NEDD4L: variants seen among roughly 807,000 people sequenced by gnomAD.
NEDD4L encodes E3 ubiquitin-protein ligase NEDD4-like.
Under a neutral mutation model 148.9 loss-of-function variants are expected in NEDD4L, and 54 were observed. The ratio of observed to expected loss-of-function variants is 0.36; its 90% CI spans 0.29 to 0.45. NEDD4L has a LOEUF of 0.45. NEDD4L is among the 20% of genes least tolerant of loss of function. The pLI is 1.00. For synonymous variants in NEDD4L, 433 were observed against 440.7 expected (o/e 0.98, Z 0.22); for missense variants, 856 against 1,233.8 (o/e 0.69, Z 4.59).
intron 24 of NEDD4L, among the ~76,000 whole-genome samples, chr18:58,375,667 G>A (rs559690355): frequency 8.2e-4 from 124 of 151,996 alleles, no homozygotes; most frequent in Non-Finnish European, 1.5e-3. Flanking sequence ...TGCCATCCTC[G>A]AGGTATTGAC....
At position 58,083,407 on chromosome 18, in the gene NEDD4L, G is replaced by A. The variant is rs566461130; in HGVS notation, c.48+38699G>A. On this transcript the variant is annotated intron_variant, in intron 1 of 30. Transcript: ENST00000400345. ...CTCAAAAAACAGAAACAAACCAGGGGCCGGGTGCGGTGGCTCACGCCTGTA... is the reference window on the plus strand; with the variant it reads ...CTCAAAAAACAGAAACAAACCAGGGACCGGGTGCGGTGGCTCACGCCTGTA... 2.8e-3 allele frequency among the ~76,000 whole-genome samples: 429 copies of A among 152,316 alleles called. 6 individuals carry two copies. The highest frequency in any genetic ancestry group is 5.7e-4 in the Non-Finnish European group (39 of 68,026).
In NEDD4L at chr18:58,396,928, T is replaced by C. The variant is rs540543313; in HGVS notation, c.*659T>C. The C allele has an allele frequency of 6.5e-6, 1 of 152,758 alleles. No individual in the cohort carries two copies. The highest frequency in any genetic ancestry group is 1.9e-4 in the East Asian group (1 of 5,188). The allele number at this position is 152,758 out of a possible 1,614,324, so 9.5% of individuals were successfully genotyped here. A position where few individuals can be genotyped will look rare whatever the true frequency, so the allele number is the denominator to read the frequency against. On this transcript the variant is annotated 3_prime_UTR_variant, in exon 31 of 31. Coordinates refer to ENST00000400345, the MANE Select transcript of NEDD4L (RefSeq NM_001144967.3). ...ATACTCAGAATGAAAAACTGGATATTACGTTTTTGTTTTGGGGTTTTTTTG... is the reference window on the plus strand; with the variant it reads ...ATACTCAGAATGAAAAACTGGATATCACGTTTTTGTTTTGGGGTTTTTTTG...
At chr18:58,096,874 A>G (rs1467226622) in intron 1 of NEDD4L, among the ~76,000 whole-genome samples, 1 of 152,218 alleles carries the variant, frequency 6.6e-6, no homozygotes, top group African/African-American at 2.4e-5. Context: ...GGAATGTGAA[A>G]TCCTTTCAGC....
chr18:58,151,160 A>G (rs1266584337), intron 1 of NEDD4L, among the ~76,000 whole-genome samples: 2 of 152,336 alleles, frequency 1.3e-5, no homozygotes, highest in Admixed American at 6.5e-5. Context: ...GATTCTTCAC[A>G]ATATGCCTAT....
intron 5 of NEDD4L, among the ~76,000 whole-genome samples, chr18:58,294,165 C>G (rs1210976738): frequency 6.6e-6 from 1 of 152,210 alleles, no homozygotes; most frequent in Non-Finnish European, 1.5e-5. Context: ...AAATACACAT[C>G]ACACTTTCTG....
chr18:58,082,437 G>T (rs76191117), intron 1 of NEDD4L, among the ~76,000 whole-genome samples: 5,880 of 151,166 alleles, frequency 0.039, 365 homozygotes, highest in African/African-American at 0.13. Flanking sequence ...TATGCATTTT[G>T]TATGCTGCCT....
intron 5 of NEDD4L, among the ~76,000 whole-genome samples, chr18:58,268,120 T>A (rs2050490152): frequency 6.6e-6 from 1 of 151,962 alleles, no homozygotes; most frequent in Non-Finnish European, 1.5e-5. Flanking sequence ...AACCCCCCAA[T>A]GGGGTTCAGA....
At chr18:58,276,568 T>C (rs566044036) in intron 5 of NEDD4L, among the ~76,000 whole-genome samples, 5 of 152,116 alleles carry the variant, frequency 3.3e-5, no homozygotes, top group Admixed American at 2.0e-4. Context: ...TCTGAATCTG[T>C]TTCCCTATTT....
At chr18:58,346,298 A>G (rs1210467753) in intron 16 of NEDD4L, among the ~76,000 whole-genome samples, 1 of 152,372 alleles carries the variant, frequency 6.6e-6, no homozygotes, top group Middle Eastern at 3.4e-3. Flanking sequence ...CACTCAAGCA[A>G]TAAATGCTTA....
At chr18:58,257,995 C>CTT (rs1297201430) in intron 5 of NEDD4L, among the ~76,000 whole-genome samples, 5 of 152,156 alleles carry the variant, frequency 3.3e-5, no homozygotes, top group Non-Finnish European at 5.9e-5. Context: ...TCTTTTATTG[C>CTT]TTTGTGTTCA....
chr18:58,249,058 ATAGG>A, intron 4 of NEDD4L, 121 bp downstream of exon 4: 3 of 560,300 alleles, frequency 5.4e-6, no homozygotes, highest in Non-Finnish European at 9.4e-6. Flanking sequence ...AGGATGAAAA[ATAGG>A]TAGCCTCCTA....
intron 2 of NEDD4L, among the ~76,000 whole-genome samples, chr18:58,241,916 A>G (rs771102343): frequency 1.6e-4 from 25 of 151,996 alleles, no homozygotes; most frequent in Non-Finnish European, 2.6e-4. Flanking sequence ...TTTAATCTAC[A>G]TGTTCTTGCG....
intron 1 of NEDD4L, among the ~76,000 whole-genome samples, chr18:58,085,754 T>A (rs1321798959): frequency 6.6e-6 from 1 of 151,526 alleles, no homozygotes; most frequent in Non-Finnish European, 1.5e-5. Flanking sequence ...ACTTCCAAAC[T>A]GTATTTTTGC....
rs77218330 is a variant in NEDD4L at position 58,179,991 on chromosome 18, C to T, written c.122+14130C>T. On this transcript the variant is annotated intron_variant, in intron 2 of 30. Transcript: ENST00000400345. ...CCCTGGTGCCAAAAAAGTTGGGGACCGTTGGTGTAGAGGACTCCTCAAGCA... is the reference window on the plus strand; with the variant it reads ...CCCTGGTGCCAAAAAAGTTGGGGACTGTTGGTGTAGAGGACTCCTCAAGCA... Among the ~76,000 whole-genome samples the T allele has an allele frequency of 2.6e-3, 400 of 152,222 alleles. 1 individual carries two copies. Among genetic ancestry groups the T allele is most frequent in the African/African-American group, 9.2e-3 (381 of 41,534 alleles).
intron 1 of NEDD4L, among the ~76,000 whole-genome samples, chr18:58,099,828 G>C (rs1477429976): frequency 6.6e-6 from 1 of 152,152 alleles, no homozygotes; most frequent in Admixed American, 6.5e-5. Context: ...CAGACCTTTA[G>C]TAGCACAGAC....
intron 5 of NEDD4L, among the ~76,000 whole-genome samples, chr18:58,271,081 A>G (rs1292426363): frequency 3.3e-5 from 5 of 149,348 alleles, no homozygotes; most frequent in African/African-American, 1.2e-4. Context: ...CTTAATAAAT[A>G]TTAGCTCTTA....
intron 1 of NEDD4L, among the ~76,000 whole-genome samples, chr18:58,053,452 G>C (rs985901686): frequency 6.6e-6 from 1 of 152,088 alleles, no homozygotes; most frequent in Non-Finnish European, 1.5e-5. Context: ...GGGACTACAG[G>C]TGCCCACCAC....
intron 1 of NEDD4L, among the ~76,000 whole-genome samples, chr18:58,130,778 G>T (rs1255519776): frequency 2.1e-5 from 3 of 145,934 alleles, no homozygotes; most frequent in Non-Finnish European, 4.5e-5. Context: ...CTGTGGCAGT[G>T]TTGGGCTCTG....
chr18:58,374,447 C>T (rs1321771866), intron 24 of NEDD4L, among the ~76,000 whole-genome samples: 1 of 152,146 alleles, frequency 6.6e-6, no homozygotes, highest in Non-Finnish European at 1.5e-5. Flanking sequence ...TTTGTGCCCC[C>T]TCCCCACTGC....
Sources: gnomAD v4.1 joint callset for allele counts (sites outside exome capture counted in the v4.1 genomes callset) on GRCh38, gnomAD v4.1.1 for gene constraint, MANE v1.5 for transcripts, NCBI Gene and HGNC (gene_info 2026-07-23, HGNC 2026-07-21) for gene names.